Variants in FGF12 observed in about 807,000 individuals in gnomAD.
FGF12 encodes the protein fibroblast growth factor 12, also known as fibroblast growth factor 12B.
FGF12 carries 14 observed loss-of-function variants against 23.6 expected under a neutral mutation model. That is an observed-to-expected ratio of 0.59 (90% CI 0.39 to 0.93). FGF12 has a LOEUF of 0.93. Among genes scored for constraint, FGF12 ranks in the 40% least tolerant of loss-of-function variants. The pLI, the probability that FGF12 is intolerant of heterozygous loss-of-function variation, is 0.00. For missense variants in FGF12, 175 were observed against 217.8 expected (o/e 0.80, Z 1.24); for synonymous variants, 62 against 77.3 (o/e 0.80, Z 1.04).
intron 4 of FGF12, among the ~76,000 whole-genome samples, chr3:192,175,093 T>C (rs1715782587): frequency 6.6e-6 from 1 of 152,178 alleles, no homozygotes; most frequent in Non-Finnish European, 1.5e-5. Context: ...CTAAAGCTTT[T>C]GGTAAAGACT....
intron 4 of FGF12, among the ~76,000 whole-genome samples, chr3:192,260,225 T>C (rs1712663672): frequency 6.6e-6 from 1 of 152,062 alleles, no homozygotes; most frequent in Non-Finnish European, 1.5e-5. Context: ...CATACCAGGG[T>C]AGTTTAGGCA....
chr3:192,442,575 T>C (rs1461252472), intron 2 of FGF12, among the ~76,000 whole-genome samples: 1 of 152,190 alleles, frequency 6.6e-6, no homozygotes, highest in Non-Finnish European at 1.5e-5. Context: ...GAAGTCAAGA[T>C]TACACACATG....
intron 2 of FGF12, among the ~76,000 whole-genome samples, chr3:192,623,791 C>T (rs1387750679): frequency 6.6e-6 from 1 of 152,158 alleles, no homozygotes; most frequent in Non-Finnish European, 1.5e-5. Flanking sequence ...ACCTCTCTCT[C>T]GGCTATTATT....
chr3:192,203,763 C>G (rs1380989), intron 4 of FGF12, among the ~76,000 whole-genome samples: 21,419 of 151,722 alleles, frequency 0.14, 2,219 homozygotes, highest in African/African-American at 0.29. Flanking sequence ...GTCACGCCCA[C>G]CTAATTTTTA....
chr3:192,331,986 A>G (rs1717146858), intron 4 of FGF12, among the ~76,000 whole-genome samples: 1 of 152,132 alleles, frequency 6.6e-6, no homozygotes, highest in South Asian at 2.1e-4. Flanking sequence ...ACACCTTCAC[A>G]CACAAAACAA....
At chr3:192,648,311 G>GA (rs1577098032) in intron 2 of FGF12, among the ~76,000 whole-genome samples, 1 of 152,086 alleles carries the variant, frequency 6.6e-6, no homozygotes, top group East Asian at 1.9e-4. Flanking sequence ...ATGTATCCTA[G>GA]AAAAAATAAT....
chr3:192,180,855 A>G (rs1219807678), intron 4 of FGF12, among the ~76,000 whole-genome samples: 1 of 152,190 alleles, frequency 6.6e-6, no homozygotes, highest in Non-Finnish European at 1.5e-5. Flanking sequence ...AGGCAGATAC[A>G]CAGGAGGTAA....
chr3:192,592,080 A>G (rs1713650158), intron 2 of FGF12, among the ~76,000 whole-genome samples: 1 of 151,912 alleles, frequency 6.6e-6, no homozygotes, highest in East Asian at 1.9e-4. Flanking sequence ...TATTAGGACA[A>G]GTAGCCCTGT....
chr3:192,627,103 G>A (rs879482258), intron 2 of FGF12, among the ~76,000 whole-genome samples: 7 of 152,058 alleles, frequency 4.6e-5, no homozygotes, highest in East Asian at 3.9e-4. Context: ...GAAAATGAAC[G>A]ATTCCTATTG....
At chr3:192,320,638 G>A (rs545128202) in intron 4 of FGF12, among the ~76,000 whole-genome samples, 1 of 151,952 alleles carries the variant, frequency 6.6e-6, no homozygotes, top group African/African-American at 2.4e-5. Context: ...ATAAAAACTA[G>A]GAATCAATAA....
chr3:192,257,619 T>C (rs1712483329), intron 4 of FGF12, among the ~76,000 whole-genome samples: 1 of 152,130 alleles, frequency 6.6e-6, no homozygotes, highest in Non-Finnish European at 1.5e-5. Context: ...ATGAAAAATA[T>C]TTTGGTGCTG....
intron 2 of FGF12, among the ~76,000 whole-genome samples, chr3:192,667,487 G>C (rs1347818112): frequency 2.0e-5 from 3 of 151,554 alleles, no homozygotes; most frequent in Admixed American, 2.0e-4. Flanking sequence ...GCGTGTACCT[G>C]TAGTCTCAGC....
chr3:192,359,511 C>A (rs1021465356), intron 3 of FGF12, among the ~76,000 whole-genome samples: 3 of 152,136 alleles, frequency 2.0e-5, no homozygotes, highest in Non-Finnish European at 4.4e-5. Flanking sequence ...GCAGTGAAGA[C>A]AGACAAACAT....
chr3:192,513,699 G>A (rs1724563167), intron 2 of FGF12, among the ~76,000 whole-genome samples: 1 of 152,114 alleles, frequency 6.6e-6, no homozygotes, highest in South Asian at 2.1e-4. Flanking sequence ...AAATTATTTG[G>A]AATTCATGGA....
At chr3:192,454,290 G>A (rs1336725031) in intron 2 of FGF12, among the ~76,000 whole-genome samples, 1 of 151,978 alleles carries the variant, frequency 6.6e-6, no homozygotes, top group African/African-American at 2.4e-5. Context: ...CACCCACCTC[G>A]GCCTCCCAAA....
chr3:192,587,767 G>C (rs1713430886), intron 2 of FGF12, among the ~76,000 whole-genome samples: 1 of 151,918 alleles, frequency 6.6e-6, no homozygotes, highest in Non-Finnish European at 1.5e-5. Flanking sequence ...GTTACAGGGA[G>C]CTATGACTGC....
intron 2 of FGF12, among the ~76,000 whole-genome samples, chr3:192,604,305 C>T (rs906946204): frequency 1.2e-4 from 18 of 151,994 alleles, no homozygotes; most frequent in Non-Finnish European, 2.2e-4. Context: ...CCTGAGGTGA[C>T]GTACATCCTC....
intron 2 of FGF12, among the ~76,000 whole-genome samples, chr3:192,621,816 T>C (rs1399985190): frequency 6.6e-6 from 1 of 152,046 alleles, no homozygotes; most frequent in Non-Finnish European, 1.5e-5. Flanking sequence ...AGACGCTTGG[T>C]ACTGTGCTCC....
intron 2 of FGF12, among the ~76,000 whole-genome samples, chr3:192,362,520 C>T (rs1718780453): frequency 6.6e-6 from 1 of 152,084 alleles, no homozygotes; most frequent in Non-Finnish European, 1.5e-5. Context: ...AAACAACTCT[C>T]TGTGTGCCTC....
Sources: allele counts gnomAD v4.1 joint callset (sites outside exome capture counted in the v4.1 genomes callset), GRCh38; gene constraint gnomAD v4.1.1; transcripts MANE v1.5; gene names NCBI Gene and HGNC (gene_info 2026-07-23, HGNC 2026-07-21).